Variants in AXDND1 observed in about 807,000 individuals in gnomAD.
AXDND1 encodes the protein axonemal dynein light chain domain-containing protein 1.
A neutral mutation model predicts 137.5 loss-of-function variants in AXDND1; 110 were observed. That is an observed-to-expected ratio of 0.80 (90% CI 0.69 to 0.94). The LOEUF is 0.94. Among genes scored for constraint, AXDND1 ranks in the 40% least tolerant of loss-of-function variants. AXDND1 has a pLI of 0.00. For missense variants in AXDND1, 1,191 were observed against 1,169.8 expected, an observed-to-expected ratio of 1.02 and a Z score of -0.26; for synonymous variants, 414 against 399.7, an observed-to-expected ratio of 1.04 and a Z score of -0.43.
At chr1:179,433,756 A>G (rs1291823454) in intron 15 of AXDND1, among the ~76,000 whole-genome samples, 5 of 152,120 alleles carry the variant, frequency 3.3e-5, no homozygotes, top group Non-Finnish European at 5.9e-5. Flanking sequence ...GTTCTTTTGC[A>G]TTTTCTGAGG....
intron 21 of AXDND1, among the ~76,000 whole-genome samples, chr1:179,519,809 A>G (rs567561815): frequency 1.3e-5 from 2 of 152,290 alleles, no homozygotes; most frequent in South Asian, 4.1e-4. Context: ...TATACTTTGA[A>G]GTTGGGTAGT....
At chr1:179,459,406 T>G (rs1264923990) in intron 16 of AXDND1, among the ~76,000 whole-genome samples, 1 of 152,134 alleles carries the variant, frequency 6.6e-6, no homozygotes, top group Non-Finnish European at 1.5e-5. Flanking sequence ...GATAAGATAA[T>G]GTTTATATAA....
intron 11 of AXDND1, among the ~76,000 whole-genome samples, chr1:179,404,618 G>A (rs1235577530): frequency 1.3e-5 from 2 of 152,140 alleles, no homozygotes; most frequent in Non-Finnish European, 2.9e-5. Flanking sequence ...CTTAATCATG[G>A]TGTATTATCT....
chr1:179,427,015 A>G (rs898427371), intron 12 of AXDND1, among the ~76,000 whole-genome samples: 3 of 152,018 alleles, frequency 2.0e-5, no homozygotes, highest in Non-Finnish European at 4.4e-5. Flanking sequence ...AATTACAAAA[A>G]TTAGGCAGCA....
At chr1:179,488,984 C>T (rs12738512) in intron 18 of AXDND1, among the ~76,000 whole-genome samples, 72,931 of 145,028 alleles carry the variant, frequency 0.5, 21,326 homozygotes, top group East Asian at 0.76. Flanking sequence ...CCACCTGTCT[C>T]GGCCTCCCAA....
intron 25 of AXDND1, among the ~76,000 whole-genome samples, chr1:179,547,603 G>A (rs10913815): frequency 0.66 from 99,875 of 152,136 alleles, 33,123 homozygotes; most frequent in African/African-American, 0.72. Flanking sequence ...CTGCAAGACT[G>A]CAGTGGCTTC....
At chr1:179,380,054 C>G (rs1647987486) in intron 6 of AXDND1, among the ~76,000 whole-genome samples, 1 of 151,904 alleles carries the variant, frequency 6.6e-6, no homozygotes, top group Non-Finnish European at 1.5e-5. Flanking sequence ...TCAAGACCAT[C>G]CTGGCTAACA....
intron 9 of AXDND1, among the ~76,000 whole-genome samples, chr1:179,386,948 T>C (rs1483987580): frequency 6.6e-6 from 1 of 152,040 alleles, no homozygotes; most frequent in African/African-American, 2.4e-5. Context: ...ATCTAGTATA[T>C]ATTTTCATCT....
chr1:179,469,838 T>G (rs893043313), intron 17 of AXDND1, among the ~76,000 whole-genome samples: 9 of 152,182 alleles, frequency 5.9e-5, no homozygotes, highest in Non-Finnish European at 8.8e-5. Context: ...TGAGGGAAAT[T>G]TTTTCTGTGC....
At position 179,486,545 on chromosome 1, in the gene AXDND1, G is replaced by A. The variant is rs1666109432; in HGVS notation, c.2091+3324G>A. 1.6e-5 allele frequency among the ~76,000 whole-genome samples: 2 copies of A among 126,928 alleles called. 1 individual carries two copies. Among genetic ancestry groups the A allele is most frequent in the Admixed American group, 1.4e-4 (2 of 13,844 alleles). 83.3% of individuals were successfully genotyped at this position (126,928 alleles called of 152,430 possible). ...CATAGTCATCAGATTCTCCAAGGTTGAAATGAAAGAAAAAATGTTAAAGGC... is the reference window on the plus strand; with the variant it reads ...CATAGTCATCAGATTCTCCAAGGTTAAAATGAAAGAAAAAATGTTAAAGGC... On this transcript the variant is annotated intron_variant, in intron 18 of 25. Coordinates refer to ENST00000367618, the MANE Select transcript of AXDND1 (RefSeq NM_144696.6).
intron 21 of AXDND1, among the ~76,000 whole-genome samples, chr1:179,520,111 C>A (rs1445791271): frequency 6.6e-6 from 1 of 152,066 alleles, no homozygotes; most frequent in East Asian, 1.9e-4. Flanking sequence ...TCCTAGTTAG[C>A]TATATTCCTA....
At chr1:179,466,682 A>G (rs1429899852) in intron 16 of AXDND1, among the ~76,000 whole-genome samples, 1 of 151,592 alleles carries the variant, frequency 6.6e-6, no homozygotes, top group Non-Finnish European at 1.5e-5. Flanking sequence ...CTATAGTTCT[A>G]TTTTATTTTC....
chr1:179,521,221 G>A (rs905571800), intron 21 of AXDND1, among the ~76,000 whole-genome samples: 15 of 152,068 alleles, frequency 9.9e-5, no homozygotes, highest in African/African-American at 3.4e-4. Flanking sequence ...GCCTCCCAAA[G>A]TGCTGGGCTT....
chr1:179,485,603 C>T (rs1326872406), intron 18 of AXDND1, among the ~76,000 whole-genome samples: 1 of 152,160 alleles, frequency 6.6e-6, no homozygotes, highest in East Asian at 1.9e-4. Flanking sequence ...AAAGAGCCAG[C>T]ACAAGAACTC....
intron 17 of AXDND1, among the ~76,000 whole-genome samples, chr1:179,472,880 A>G (rs1302177210): frequency 6.6e-6 from 1 of 152,068 alleles, no homozygotes. Flanking sequence ...TTTGCTTTTA[A>G]TGTATTTGTA....
intron 10 of AXDND1, among the ~76,000 whole-genome samples, chr1:179,394,402 A>G (rs1650695460): frequency 6.6e-6 from 1 of 152,088 alleles, no homozygotes; most frequent in Non-Finnish European, 1.5e-5. Flanking sequence ...CAGCCTGGCC[A>G]ACATGGTGAA....
chr1:179,495,829 G>GT (rs1056109682), intron 20 of AXDND1, among the ~76,000 whole-genome samples: 54 of 146,348 alleles, frequency 3.7e-4, no homozygotes, highest in African/African-American at 1.3e-3. Context: ...CTAGCTATAG[G>GT]TTTTTTTTAT....
intron 25 of AXDND1, among the ~76,000 whole-genome samples, chr1:179,550,205 G>A (rs1034860787): frequency 6.6e-6 from 1 of 152,122 alleles, no homozygotes; most frequent in African/African-American, 2.4e-5. Context: ...AGAATTTGCT[G>A]TAAGTATAGA....
At chr1:179,365,764 G>T, upstream of AXDND1, 1 of 152,630 alleles carries the variant, frequency 6.6e-6, no homozygotes, top group Non-Finnish European at 1.5e-5. Flanking sequence ...AGACACTTTC[G>T]GATTCCGTGA....
Sources: gnomAD v4.1 joint callset for allele counts (sites outside exome capture counted in the v4.1 genomes callset) on GRCh38, gnomAD v4.1.1 for gene constraint, MANE v1.5 for transcripts, NCBI Gene and HGNC (gene_info 2026-07-23, HGNC 2026-07-21) for gene names.